The following KLC1 variants were observed in gnomAD, a reference collection of about 807,000 sequenced individuals.
KLC1 encodes the protein kinesin light chain 1, also known as kinesin 2 60/70kDa.
A neutral mutation model predicts 84.2 loss-of-function variants in KLC1; 30 were observed. The ratio of observed to expected loss-of-function variants is 0.36; its 90% CI spans 0.27 to 0.48. The LOEUF is 0.48. Among genes scored for constraint, KLC1 ranks in the 20% least tolerant of loss-of-function variants. KLC1 has a pLI of 0.99. For missense variants in KLC1, 499 were observed against 805.4 expected (o/e 0.62, Z 4.60); for synonymous variants, 289 against 293.3 (o/e 0.99, Z 0.15).
Position 103,701,484 on chromosome 14 carries a change from C to G in KLC1, c.*285C>G. On this transcript the variant is annotated 3_prime_UTR_variant, in exon 17 of 17. Transcript: ENST00000334553. Reference sequence around the variant, plus strand: ...TCCCTTCCCATGTGTAACTTCCTCACGTTGTGTGCGATAACGTATTTTATT... The same window carrying G: ...TCCCTTCCCATGTGTAACTTCCTCAGGTTGTGTGCGATAACGTATTTTATT... 2 of 421,980 alleles carry G rather than the reference C, an allele frequency of 4.7e-6. No individual in the cohort carries two copies. The highest frequency in any genetic ancestry group is 4.2e-6 in the Non-Finnish European group (1 of 236,056). The allele number at this position is 421,980 out of a possible 1,614,324, so 26.1% of individuals were successfully genotyped here.
chr14:103,643,524 G>A (rs990684603), intron 1 of KLC1, among the ~76,000 whole-genome samples: 10 of 152,208 alleles, frequency 6.6e-5, no homozygotes, highest in Non-Finnish European at 5.9e-5. Flanking sequence ...ACCATGGCCC[G>A]TGACACAGCC....
chr14:103,675,530 T>TA, intron 9 of KLC1, 22 bp from the exon 10 acceptor site: 1 of 1,606,508 alleles, frequency 6.2e-7, no homozygotes, highest in Non-Finnish European at 8.5e-7. Flanking sequence ...GCTCAACCTG[T>TA]ATGCTGTGTT....
chr14:103,657,807 A>G (rs758778661), intron 3 of KLC1, 31 bp downstream of exon 3: 3 of 1,491,806 alleles, frequency 2.0e-6, no homozygotes, highest in African/African-American at 1.4e-5. Flanking sequence ...TGTGGTGCTA[A>G]TGTTTAAAAT....
intron 1 of KLC1, among the ~76,000 whole-genome samples, chr14:103,637,858 C>G (rs138535326): frequency 6.6e-6 from 1 of 152,228 alleles, no homozygotes; most frequent in Non-Finnish European, 1.5e-5. Context: ...ACCACCATGA[C>G]CGGCTTGTTT....
At chr14:103,645,249 A>G (rs1595297273) in intron 1 of KLC1, among the ~76,000 whole-genome samples, 1 of 152,122 alleles carries the variant, frequency 6.6e-6, no homozygotes, top group Non-Finnish European at 1.5e-5. Flanking sequence ...CTGGGACTAC[A>G]GGCGGGAGCC....
At chr14:103,690,118 T>G in intron 14 of KLC1, among the ~76,000 whole-genome samples, 1 of 151,802 alleles carries the variant, frequency 6.6e-6, no homozygotes, top group East Asian at 1.9e-4. Context: ...AGGGCAGAGG[T>G]TGCAGTGAGC....
chr14:103,670,383 C>T lies in KLC1; in HGVS notation c.987+100C>T, dbSNP rs144119731. 562 of 740,970 alleles carry T rather than the reference C, an allele frequency of 7.6e-4. 2 individuals carry two copies. The African/African-American group carries it at 9.5e-3, about 12-fold the overall frequency. 45.9% of individuals were successfully genotyped at this position (740,970 alleles called of 1,614,324 possible). On this transcript the variant is annotated intron_variant, in intron 7 of 16. Transcript: ENST00000334553. ...GATGGAGTCTCGTTCTGTCACCGGG[C>T]TGGAGTGCGGTGGCGTGATCTCGGC... is the stretch of plus-strand genomic sequence containing the variant.
intron 15 of KLC1, chr14:103,696,002 C>G (rs1231375554): frequency 2.0e-6 from 2 of 985,268 alleles, no homozygotes; most frequent in African/African-American, 3.5e-5. Flanking sequence ...CCAGGCATCC[C>G]TCCTCCTGTG....
chr14:103,650,581 C>CT (rs530758320), intron 1 of KLC1, among the ~76,000 whole-genome samples: 44,983 of 135,826 alleles, frequency 0.33, 7,926 homozygotes, highest in Middle Eastern at 0.38. Flanking sequence ...AGCCTGTATA[C>CT]TTTTTTTTTT....
chr14:103,653,028 C>T (rs1272672940), intron 1 of KLC1, among the ~76,000 whole-genome samples: 1 of 152,228 alleles, frequency 6.6e-6, no homozygotes, highest in Non-Finnish European at 1.5e-5. Context: ...TTCAGCTTTT[C>T]TTCCCTTCAT....
At chr14:103,639,714 A>G (rs991130301) in intron 1 of KLC1, among the ~76,000 whole-genome samples, 4 of 152,174 alleles carry the variant, frequency 2.6e-5, no homozygotes, top group African/African-American at 7.2e-5. Flanking sequence ...TGCTGGGATT[A>G]CTGGTATGAG....
intron 13 of KLC1, chr14:103,686,437 G>A (rs2081784921): frequency 6.3e-6 from 1 of 157,542 alleles, no homozygotes; most frequent in Non-Finnish European, 1.4e-5. Context: ...ATTAATACCT[G>A]AATCAATTAA....
intron 12 of KLC1, among the ~76,000 whole-genome samples, chr14:103,677,919 A>G (rs773046810): frequency 6.6e-5 from 10 of 151,190 alleles, no homozygotes; most frequent in Non-Finnish European, 1.5e-4. Flanking sequence ...GTGAGCCGAT[A>G]TCATGCCACT....
At chr14:103,677,775 A>G (rs1041373046) in intron 12 of KLC1, among the ~76,000 whole-genome samples, 5 of 151,926 alleles carry the variant, frequency 3.3e-5, no homozygotes, top group African/African-American at 1.2e-4. Flanking sequence ...CCTGGCCAAC[A>G]TGGTGAAACC....
intron 1 of KLC1, among the ~76,000 whole-genome samples, chr14:103,641,980 G>T (rs2151355979): frequency 6.6e-6 from 1 of 152,128 alleles, no homozygotes; most frequent in African/African-American, 2.4e-5. Flanking sequence ...GCCCAGGCTG[G>T]AGTGCAGTGG....
intron 14 of KLC1, 142 bp from the exon 15 acceptor site, chr14:103,692,217 G>A (rs771405519): frequency 1.2e-5 from 8 of 670,720 alleles, no homozygotes; most frequent in South Asian, 1.8e-5. Context: ...AGGACTCCCC[G>A]GTTACCCAAG....
intron 9 of KLC1, 141 bp from the exon 10 acceptor site, chr14:103,675,411 T>C (rs1357403609): frequency 9.5e-6 from 6 of 630,946 alleles, no homozygotes; most frequent in Non-Finnish European, 1.7e-5. Flanking sequence ...AGGTTAAATA[T>C]CCCATTATTC....
chr14:103,651,803 C>T (rs1276962209), intron 1 of KLC1, among the ~76,000 whole-genome samples: 1 of 152,192 alleles, frequency 6.6e-6, no homozygotes, highest in African/African-American at 2.4e-5. Flanking sequence ...ATCTTAGTAG[C>T]CCTTACTAGC....
chr14:103,660,626 T>TA (rs1333954698), intron 3 of KLC1, among the ~76,000 whole-genome samples: 5 of 151,774 alleles, frequency 3.3e-5, no homozygotes, highest in African/African-American at 1.2e-4. Flanking sequence ...CCTTCTCTAT[T>TA]AAAAAATACA....
Sources: allele counts gnomAD v4.1 joint callset (sites outside exome capture counted in the v4.1 genomes callset), GRCh38; gene constraint gnomAD v4.1.1; transcripts MANE v1.5; gene names NCBI Gene and HGNC (gene_info 2026-07-23, HGNC 2026-07-21).